The following COL19A1 variants were observed in gnomAD, a reference collection of about 807,000 sequenced individuals.
COL19A1 encodes collagen alpha-1(XIX) chain.
Under a neutral mutation model 190.2 loss-of-function variants are expected in COL19A1, and 159 were observed. That is an observed-to-expected ratio of 0.84 (90% CI 0.73 to 0.95). COL19A1 has a LOEUF of 0.95. Among genes scored for constraint, COL19A1 ranks in the 40% least tolerant of loss-of-function variants. The pLI is 0.00. For missense variants in COL19A1, 1,418 were observed against 1,431.9 expected (o/e 0.99, Z 0.16); for synonymous variants, 509 against 458.9 (o/e 1.11, Z -1.39).
chr6:70,210,472 T>C lies in COL19A1; in HGVS notation c.*3198T>C, dbSNP rs933411192. Among the ~76,000 whole-genome samples the C allele has an allele frequency of 6.6e-6, 1 of 152,200 alleles. No homozygotes were observed. The highest frequency in any genetic ancestry group is 2.4e-5 in the African/African-American group (1 of 41,474). ...CCCATAAGTTTATTTCCCTATTTCATGGTATTGTTTAAACTTTAAAATTTT... is the reference window on the plus strand; with the variant it reads ...CCCATAAGTTTATTTCCCTATTTCACGGTATTGTTTAAACTTTAAAATTTT... On this transcript the variant is annotated 3_prime_UTR_variant, in exon 51 of 51. Transcript: ENST00000620364.
chr6:70,053,008 C>T (rs1226592685), intron 14 of COL19A1, among the ~76,000 whole-genome samples: 2 of 152,136 alleles, frequency 1.3e-5, no homozygotes, highest in South Asian at 2.1e-4. Flanking sequence ...GTATGCAATA[C>T]ATATCAATTC....
At chr6:70,006,102 T>A (rs914565649) in intron 11 of COL19A1, among the ~76,000 whole-genome samples, 71 of 152,096 alleles carry the variant, frequency 4.7e-4, no homozygotes, top group African/African-American at 1.5e-3. Flanking sequence ...TGTTAGGCAG[T>A]TGTGAGTCCC....
chr6:70,056,672 T>C (rs971314298), intron 14 of COL19A1, among the ~76,000 whole-genome samples: 2 of 152,110 alleles, frequency 1.3e-5, no homozygotes, highest in Non-Finnish European at 2.9e-5. Flanking sequence ...CTTATACTAT[T>C]GCAATCTTAA....
intron 15 of COL19A1, among the ~76,000 whole-genome samples, chr6:70,090,662 G>T (rs1276012529): frequency 1.3e-5 from 2 of 152,244 alleles, no homozygotes; most frequent in South Asian, 2.1e-4. Flanking sequence ...ATTAAATGAT[G>T]AATTTGGTGG....
intron 14 of COL19A1, among the ~76,000 whole-genome samples, chr6:70,052,239 C>A (rs751184045): frequency 6.6e-6 from 1 of 152,074 alleles, no homozygotes; most frequent in Non-Finnish European, 1.5e-5. Context: ...ATAAGAATAT[C>A]CAGCTGGCAG....
chr6:70,154,002 G>A lies in COL19A1; in HGVS notation c.2080-2125G>A, dbSNP rs992792647. Among the ~76,000 whole-genome samples the A allele has an allele frequency of 2.6e-5, 4 of 152,044 alleles. No homozygotes were observed. In the East Asian group the frequency reaches 7.8e-4, roughly 29 times the overall value. Reference sequence around the variant, plus strand: ...CTTTAAGTTCTGGGGTACATGTGCAGAACGTGCAGCTTTGTTACATAGTTA... The same window carrying A: ...CTTTAAGTTCTGGGGTACATGTGCAAAACGTGCAGCTTTGTTACATAGTTA... On this transcript the variant is annotated intron_variant, in intron 31 of 50. Coordinates refer to ENST00000620364, the MANE Select transcript of COL19A1 (RefSeq NM_001858.6).
intron 2 of COL19A1, among the ~76,000 whole-genome samples, chr6:69,884,905 G>T: frequency 6.7e-6 from 1 of 149,310 alleles, no homozygotes. Context: ...TGCCCAAGCT[G>T]GAGTGCAGTG....
chr6:70,160,896 CT>C (rs1787754290), intron 34 of COL19A1, among the ~76,000 whole-genome samples: 1 of 152,038 alleles, frequency 6.6e-6, no homozygotes, highest in Admixed American at 6.6e-5. Flanking sequence ...TGTTTTCTAA[CT>C]TTTTTAAAAC....
intron 16 of COL19A1, among the ~76,000 whole-genome samples, chr6:70,120,965 C>A (rs1784852229): frequency 6.6e-6 from 1 of 152,076 alleles, no homozygotes; most frequent in Non-Finnish European, 1.5e-5. Context: ...AAATATTAAT[C>A]TTTGTATAAT....
At chr6:69,910,393 C>G (rs1033198255) in intron 4 of COL19A1, among the ~76,000 whole-genome samples, 2 of 152,072 alleles carry the variant, frequency 1.3e-5, no homozygotes, top group Admixed American at 6.6e-5. Flanking sequence ...AGGAATTCAC[C>G]TAAAATTTCA....
At chr6:69,983,011 A>AGT (rs1776127993) in intron 11 of COL19A1, among the ~76,000 whole-genome samples, 10 of 149,540 alleles carry the variant, frequency 6.7e-5, no homozygotes, top group African/African-American at 2.4e-4. Flanking sequence ...TAAATAAATA[A>AGT]ATAAATAAAT....
chr6:70,116,686 G>A (rs1252944779), intron 16 of COL19A1, among the ~76,000 whole-genome samples: 1 of 151,552 alleles, frequency 6.6e-6, no homozygotes, highest in Non-Finnish European at 1.5e-5. Flanking sequence ...AATAATTACT[G>A]ATCTCTACTT....
At position 70,029,610 on chromosome 6, in the gene COL19A1, C is replaced by T. The variant is rs560192155; in HGVS notation, c.1081-4635C>T. On this transcript the variant is annotated intron_variant, in intron 12 of 50. Transcript: ENST00000620364. ...ACCAGTGTGACACAAGGAGAAAAAC[C>T]GCATTTGAGAAAAGCATTACTGATG... 5.9e-5 allele frequency among the ~76,000 whole-genome samples: 9 copies of T among 152,158 alleles called. No homozygotes were observed. In the South Asian group the frequency reaches 8.3e-4, roughly 14 times the overall value.
chr6:70,010,641 G>A (rs1442869585), intron 11 of COL19A1, among the ~76,000 whole-genome samples: 3 of 139,454 alleles, frequency 2.2e-5, no homozygotes, highest in Admixed American at 1.4e-4. Context: ...CGAATATTGC[G>A]CTTTTCAGAC....
intron 12 of COL19A1, among the ~76,000 whole-genome samples, chr6:70,032,560 T>C (rs952441892): frequency 6.6e-6 from 1 of 152,184 alleles, no homozygotes; most frequent in African/African-American, 2.4e-5. Flanking sequence ...AATAATATGT[T>C]TTATTTAATG....
At chr6:70,075,698 G>T (rs1283756961) in intron 15 of COL19A1, among the ~76,000 whole-genome samples, 1 of 151,732 alleles carries the variant, frequency 6.6e-6, no homozygotes, top group Non-Finnish European at 1.5e-5. Flanking sequence ...GTCTCCTTGT[G>T]GTAAATTTCA....
At chr6:70,072,694 C>T (rs1308288779) in intron 15 of COL19A1, among the ~76,000 whole-genome samples, 1 of 152,154 alleles carries the variant, frequency 6.6e-6, no homozygotes, top group Non-Finnish European at 1.5e-5. Context: ...GGCTTTGAAG[C>T]TGTGTCTGGA....
At chr6:69,893,515 C>A (rs1769506186) in intron 2 of COL19A1, among the ~76,000 whole-genome samples, 1 of 152,106 alleles carries the variant, frequency 6.6e-6, no homozygotes, top group South Asian at 2.1e-4. Flanking sequence ...GGGAGTCATG[C>A]CCTACAAACC....
chr6:70,120,975 T>C (rs1028292223), intron 16 of COL19A1, among the ~76,000 whole-genome samples: 2 of 152,192 alleles, frequency 1.3e-5, no homozygotes, highest in African/African-American at 4.8e-5. Flanking sequence ...CTTTGTATAA[T>C]GGTGCTGTTT....
Sources: gnomAD v4.1 joint callset for allele counts (sites outside exome capture counted in the v4.1 genomes callset) on GRCh38, gnomAD v4.1.1 for gene constraint, MANE v1.5 for transcripts, NCBI Gene and HGNC (gene_info 2026-07-23, HGNC 2026-07-21) for gene names.